Variants in SLIT3 observed in about 807,000 individuals in gnomAD.
The protein encoded by SLIT3 is slit homolog 3 protein.
Under a neutral mutation model 184.0 loss-of-function variants are expected in SLIT3, and 68 were observed. That is an observed-to-expected ratio of 0.37 (90% confidence interval 0.30 to 0.45). The LOEUF is 0.45. SLIT3 is among the 20% of genes least tolerant of loss of function. The pLI, the probability that SLIT3 is intolerant of heterozygous loss-of-function variation, is 1.00. For synonymous variants in SLIT3, 831 were observed against 828.6 expected (o/e 1.00, Z -0.05); for missense variants, 1,707 against 2,026.0 (o/e 0.84, Z 3.02).
intron 3 of SLIT3, among the ~76,000 whole-genome samples, chr5:169,227,349 C>T (rs1764847950): frequency 6.6e-6 from 1 of 152,208 alleles, no homozygotes; most frequent in East Asian, 1.9e-4. Context: ...CTTTGCTAGA[C>T]ACCTTACATG....
intron 25 of SLIT3, among the ~76,000 whole-genome samples, chr5:168,709,690 AG>A (rs1218033570): frequency 1.3e-5 from 2 of 152,218 alleles, no homozygotes; most frequent in African/African-American, 4.8e-5. Flanking sequence ...GGGTAATTAA[AG>A]TGTATCTATA....
chr5:168,979,317 A>C (rs1323884685), intron 4 of SLIT3, among the ~76,000 whole-genome samples: 1 of 152,216 alleles, frequency 6.6e-6, no homozygotes, highest in Non-Finnish European at 1.5e-5. Flanking sequence ...GAGGCCAGAC[A>C]GGCTTGCAAC....
intron 4 of SLIT3, among the ~76,000 whole-genome samples, chr5:169,032,783 TCTA>T (rs1174703868): frequency 6.6e-6 from 1 of 152,104 alleles, no homozygotes; most frequent in Non-Finnish European, 1.5e-5. Context: ...AAAAGCTTAT[TCTA>T]CTCATTTTGT....
intron 4 of SLIT3, among the ~76,000 whole-genome samples, chr5:169,001,257 C>T (rs55684606): frequency 0.015 from 2,239 of 152,286 alleles, 30 homozygotes; most frequent in Middle Eastern, 0.034. Context: ...GTATTTTGAA[C>T]CTGTCTTGTC....
intron 6 of SLIT3, among the ~76,000 whole-genome samples, chr5:168,843,951 T>C (rs1002518072): frequency 2.0e-5 from 3 of 151,950 alleles, no homozygotes; most frequent in Non-Finnish European, 4.4e-5. Flanking sequence ...GAAGGGGCTG[T>C]CTCCTCTCAT....
chr5:168,847,778 CA>C (rs755303856), intron 5 of SLIT3, among the ~76,000 whole-genome samples: 2 of 152,122 alleles, frequency 1.3e-5, no homozygotes, highest in Non-Finnish European at 2.9e-5. Context: ...AAGCTGAGGC[CA>C]AAACATTCGA....
chr5:168,830,105 G>GT (rs1757833300), intron 6 of SLIT3, among the ~76,000 whole-genome samples: 1 of 152,172 alleles, frequency 6.6e-6, no homozygotes, highest in South Asian at 2.1e-4. Context: ...TCCTAAGAGT[G>GT]ATCGTTATTG....
At chr5:169,098,002 T>C (rs1413237071) in intron 4 of SLIT3, among the ~76,000 whole-genome samples, 1 of 152,210 alleles carries the variant, frequency 6.6e-6, no homozygotes, top group Non-Finnish European at 1.5e-5. Context: ...AAAATATACT[T>C]GACAAGTGCT....
chr5:169,182,619 T>G (rs1018142092), intron 4 of SLIT3, among the ~76,000 whole-genome samples: 1 of 152,222 alleles, frequency 6.6e-6, no homozygotes, highest in Non-Finnish European at 1.5e-5. Flanking sequence ...TCTTTAGAAA[T>G]GTTTCTGTTG....
intron 4 of SLIT3, among the ~76,000 whole-genome samples, chr5:169,183,675 A>G (rs764390425): frequency 6.6e-6 from 1 of 152,224 alleles, no homozygotes; most frequent in Non-Finnish European, 1.5e-5. Flanking sequence ...CAAAGAAAAT[A>G]CTAAATCCAT....
chr5:168,957,518 G>T (rs1483272894), intron 4 of SLIT3, among the ~76,000 whole-genome samples: 2 of 152,196 alleles, frequency 1.3e-5, no homozygotes, highest in African/African-American at 4.8e-5. Flanking sequence ...GGAGGTCTGG[G>T]GTGAGGCCCA....
chr5:169,269,784 C>T (rs116879269), intron 1 of SLIT3, among the ~76,000 whole-genome samples: 4 of 152,350 alleles, frequency 2.6e-5, no homozygotes, highest in East Asian at 3.9e-4. Context: ...CCACTCCCAA[C>T]GAAGACAAAC....
chr5:169,296,520 T>G (rs1416073398), intron 1 of SLIT3, among the ~76,000 whole-genome samples: 1 of 152,184 alleles, frequency 6.6e-6, no homozygotes, highest in Non-Finnish European at 1.5e-5. Context: ...TCACCGTGGT[T>G]GACCCAGAGA....
intron 4 of SLIT3, among the ~76,000 whole-genome samples, chr5:168,943,635 T>C (rs1012262943): frequency 1.3e-5 from 2 of 152,150 alleles, no homozygotes; most frequent in African/African-American, 4.8e-5. Context: ...ATGAGAAATA[T>C]GAAAGTGCTT....
intron 1 of SLIT3, among the ~76,000 whole-genome samples, chr5:169,284,097 A>C (rs1767079988): frequency 6.6e-6 from 1 of 152,260 alleles, no homozygotes; most frequent in African/African-American, 2.4e-5. Flanking sequence ...ACTGACAAAA[A>C]ACAGACACAA....
intron 5 of SLIT3, among the ~76,000 whole-genome samples, chr5:168,847,923 G>A (rs1354809107): frequency 6.6e-6 from 1 of 152,108 alleles, no homozygotes; most frequent in Non-Finnish European, 1.5e-5. Flanking sequence ...AATCAACAAA[G>A]CCCATTGCCT....
chr5:168,889,190 G>A (rs1561989535), intron 4 of SLIT3, among the ~76,000 whole-genome samples: 1 of 152,176 alleles, frequency 6.6e-6, no homozygotes, highest in Non-Finnish European at 1.5e-5. Flanking sequence ...GGACTTCAGG[G>A]AAGATTTATC....
At chr5:168,990,259 T>C (rs913417420) in intron 4 of SLIT3, among the ~76,000 whole-genome samples, 1 of 152,156 alleles carries the variant, frequency 6.6e-6, no homozygotes, top group Admixed American at 6.5e-5. Context: ...CTTCCCTGCA[T>C]CCCCAGTCAA....
intron 26 of SLIT3, among the ~76,000 whole-genome samples, chr5:168,705,323 C>A (rs779271767): frequency 1.4e-4 from 22 of 152,146 alleles, no homozygotes; most frequent in Non-Finnish European, 2.4e-4. Context: ...GAACTGTATT[C>A]TAGGGCTCTG....
Sources: gnomAD v4.1 joint callset for allele counts (sites outside exome capture counted in the v4.1 genomes callset) on GRCh38, gnomAD v4.1.1 for gene constraint, MANE v1.5 for transcripts, NCBI Gene and HGNC (gene_info 2026-07-23, HGNC 2026-07-21) for gene names.